The following SLC14A2 variants were observed in gnomAD, a reference collection of about 807,000 sequenced individuals.
The protein encoded by SLC14A2 is solute carrier family 14 member 2, also known as urea transporter 2.
Under a neutral mutation model 104.6 loss-of-function variants are expected in SLC14A2, and 91 were observed. The observed-to-expected ratio is 0.87, with a 90% CI of 0.73 to 1.04. The LOEUF (loss-of-function observed/expected upper bound fraction) is 1.04. SLC14A2 is among the 50% of genes least tolerant of loss of function. SLC14A2 has a pLI of 0.00. For synonymous variants in SLC14A2, 476 were observed against 466.4 expected (o/e 1.02, Z -0.27); for missense variants, 1,189 against 1,156.0 (o/e 1.03, Z -0.41).
chr18:45,544,342 G>A (rs757696712), intron 2 of SLC14A2, among the ~76,000 whole-genome samples: 1 of 152,046 alleles, frequency 6.6e-6, no homozygotes, highest in Non-Finnish European at 1.5e-5. Context: ...TGTTTGCTTT[G>A]TCAATTAGTG....
intron 2 of SLC14A2, among the ~76,000 whole-genome samples, chr18:45,501,140 A>G (rs77664537): frequency 1.9e-4 from 29 of 152,374 alleles, no homozygotes; most frequent in African/African-American, 7.0e-4. Context: ...CCTGAGGATC[A>G]AAAAGGCTAT....
At chr18:45,245,980 A>G (rs1453807811) in intron 1 of SLC14A2, among the ~76,000 whole-genome samples, 1 of 152,222 alleles carries the variant, frequency 6.6e-6, no homozygotes, top group Non-Finnish European at 1.5e-5. Context: ...TTCTGTGTAG[A>G]TTCTTATTGA....
chr18:45,406,662 TACTCCTTGATCCATA>T (rs957785420), intron 1 of SLC14A2, among the ~76,000 whole-genome samples: 3 of 152,228 alleles, frequency 2.0e-5, no homozygotes, highest in South Asian at 2.1e-4. Context: ...AAGTCACAAT[TACTCCTTGATCCATA>T]ACTCCTTGAT....
At chr18:45,295,261 C>T (rs1287179943) in intron 1 of SLC14A2, among the ~76,000 whole-genome samples, 1 of 152,108 alleles carries the variant, frequency 6.6e-6, no homozygotes, top group Non-Finnish European at 1.5e-5. Context: ...TCCGTTCACA[C>T]AGCATCCCCT....
At chr18:45,474,721 A>G (rs1321473154) in intron 1 of SLC14A2, among the ~76,000 whole-genome samples, 1 of 151,962 alleles carries the variant, frequency 6.6e-6, no homozygotes, top group Non-Finnish European at 1.5e-5. Flanking sequence ...TTCAGTGGTG[A>G]TATCTCCTTT....
intron 9 of SLC14A2, 40 bp from the exon 10 acceptor site, chr18:45,643,946 A>G: frequency 6.3e-7 from 1 of 1,591,672 alleles, no homozygotes; most frequent in Non-Finnish European, 8.6e-7. Context: ...AACACAGGAA[A>G]CTAGGAAACT....
At chr18:45,293,770 T>C (rs2084894304) in intron 1 of SLC14A2, among the ~76,000 whole-genome samples, 1 of 152,176 alleles carries the variant, frequency 6.6e-6, no homozygotes, top group Non-Finnish European at 1.5e-5. Context: ...GAAAATCATT[T>C]TCAAGTTCTA....
intron 1 of SLC14A2, among the ~76,000 whole-genome samples, chr18:45,252,792 C>CTTTTTT (rs745363624): frequency 0.014 from 1,771 of 126,788 alleles, 53 homozygotes; most frequent in African/African-American, 0.021. Context: ...GCAATATTGA[C>CTTTTTT]TTTTTTTTTT....
intron 10 of SLC14A2, chr18:45,647,709 T>TA (rs1380958817): frequency 6.6e-6 from 1 of 152,164 alleles, no homozygotes. Flanking sequence ...TTTGTAATTT[T>TA]AATTTTTATT....
In SLC14A2 at chr18:45,650,894, C is replaced by T. The variant is rs547044669; in HGVS notation, c.1351+6734C>T. 2.7e-5 allele frequency among the ~76,000 whole-genome samples: 3 copies of T among 111,568 alleles called. No homozygotes were observed. In the South Asian group the frequency reaches 1.1e-3, roughly 42 times the overall value. The allele number at this position is 111,568 out of a possible 152,430, so 73.2% of individuals were successfully genotyped here. A position where few individuals can be genotyped will look rare whatever the true frequency, so the allele number is the denominator to read the frequency against. ...AGCTGGCATTACAGGCACCCACCAC[C>T]ATGCCCAGCTTTTTTTTTATTTTTA... On this transcript the variant is annotated intron_variant, in intron 10 of 19. Coordinates refer to ENST00000255226, the MANE Select transcript of SLC14A2 (RefSeq NM_007163.4).
chr18:45,455,800 T>A (rs2086934277), intron 1 of SLC14A2, among the ~76,000 whole-genome samples: 1 of 152,126 alleles, frequency 6.6e-6, no homozygotes, highest in Non-Finnish European at 1.5e-5. Flanking sequence ...TATAAACAGT[T>A]GAACACAGAT....
intron 7 of SLC14A2, 146 bp from the exon 8 acceptor site, chr18:45,641,063 A>C (rs1396802745): frequency 2.7e-6 from 2 of 734,202 alleles, no homozygotes; most frequent in Non-Finnish European, 4.4e-6. Context: ...ACCGGATGCC[A>C]TTTGTAGAGG....
Position 45,323,899 on chromosome 18 carries a change from C to T in SLC14A2, c.-125+110708C>T, listed in dbSNP as rs543763036. Among the ~76,000 whole-genome samples, 4 of 152,324 alleles carry T rather than the reference C, an allele frequency of 2.6e-5. No homozygotes were observed. In the South Asian group the frequency reaches 8.3e-4, roughly 32 times the overall value. On this transcript the variant is annotated intron_variant, in intron 1 of 20. Coordinates refer to the SLC14A2 transcript ENST00000586448. ...AGTTGCAGGTTTTTCTTTGGGTTTT[C>T]ATCACCCTTCTCAGAGATGACTGTT...
intron 1 of SLC14A2, among the ~76,000 whole-genome samples, chr18:45,421,421 C>A (rs778913629): frequency 1.3e-5 from 2 of 152,016 alleles, no homozygotes. Context: ...GGAACAAACA[C>A]AATTGATTCT....
At chr18:45,627,314 C>T (rs921607913) in intron 4 of SLC14A2, among the ~76,000 whole-genome samples, 167 bp downstream of exon 4, 2 of 152,218 alleles carry the variant, frequency 1.3e-5, no homozygotes, top group Non-Finnish European at 2.9e-5. Context: ...TGCTCCTGCT[C>T]ACAGCATGTG....
chr18:45,466,827 A>G (rs1424309221), intron 1 of SLC14A2, among the ~76,000 whole-genome samples: 2 of 152,120 alleles, frequency 1.3e-5, no homozygotes, highest in African/African-American at 2.4e-5. Flanking sequence ...AAATTACCAC[A>G]TTCACTGATT....
Position 45,497,472 on chromosome 18 carries a change from TAAAAC to T in SLC14A2, c.-35+14154_-35+14158del, listed in dbSNP as rs948320228. 7.2e-5 allele frequency among the ~76,000 whole-genome samples: 11 copies of T among 152,228 alleles called. No individual in the cohort carries two copies. The East Asian group carries it at 7.7e-4, about 11-fold the overall frequency. Reference sequence around the variant, plus strand: ...ACACCCTATGTCCTATGCAAAATAATAAAACAAAGCAAGGGAAACAGAGAGCAGTG... The same window carrying T: ...ACACCCTATGTCCTATGCAAAATAATAAAGCAAGGGAAACAGAGAGCAGTG... On this transcript the variant is annotated intron_variant, in intron 2 of 20. Transcript: ENST00000586448.
intron 1 of SLC14A2, among the ~76,000 whole-genome samples, chr18:45,254,290 A>C (rs1219291850): frequency 3.9e-5 from 6 of 152,192 alleles, no homozygotes; most frequent in African/African-American, 1.4e-4. Flanking sequence ...TTTTGACTCC[A>C]AGTCCTGGCA....
chr18:45,392,900 TTGAC>T (rs1013215066), intron 1 of SLC14A2, among the ~76,000 whole-genome samples: 2 of 152,218 alleles, frequency 1.3e-5, no homozygotes, highest in African/African-American at 2.4e-5. Flanking sequence ...AAAAAATAAT[TTGAC>T]TGGACTCCCT....
Sources: gnomAD v4.1 joint callset for allele counts (sites outside exome capture counted in the v4.1 genomes callset) on GRCh38, gnomAD v4.1.1 for gene constraint, MANE v1.5 for transcripts, NCBI Gene and HGNC (gene_info 2026-07-23, HGNC 2026-07-21) for gene names.